Variants in POM121C observed in about 807,000 individuals in gnomAD.
POM121C encodes the protein nuclear envelope pore membrane protein POM 121C.
POM121C carries 20 observed loss-of-function variants against 66.4 expected under a neutral mutation model. The ratio of observed to expected loss-of-function variants is 0.30; its 90% confidence interval spans 0.21 to 0.44. POM121C has a LOEUF of 0.44. POM121C is among the 20% of genes least tolerant of loss of function. The pLI is 1.00. For missense variants in POM121C, 580 were observed against 1,225.7 expected (o/e 0.47, Z 7.87); for synonymous variants, 286 against 528.0 (o/e 0.54, Z 6.28).
intron 3 of POM121C, among the ~76,000 whole-genome samples, chr7:75,472,989 A>C (rs1246453790): frequency 5.9e-5 from 9 of 152,250 alleles, no homozygotes; most frequent in South Asian, 2.1e-4. Context: ...ACGAATGTCA[A>C]AAGAAACAGA....
At chr7:75,442,968 C>T (rs1790720644) in intron 3 of POM121C, among the ~76,000 whole-genome samples, 1 of 152,136 alleles carries the variant, frequency 6.6e-6, no homozygotes, top group Non-Finnish European at 1.5e-5. Context: ...CATCCGGAGG[C>T]GATCCCGTGA....
intron 3 of POM121C, 96 bp from the exon 4 acceptor site, chr7:75,441,743 G>A: frequency 1.7e-6 from 2 of 1,197,900 alleles, no homozygotes; most frequent in Non-Finnish European, 2.3e-6. Flanking sequence ...ATTTTCCAAA[G>A]AACTTAAATC....
At chr7:75,449,785 G>A (rs1267298496) in intron 3 of POM121C, among the ~76,000 whole-genome samples, 1 of 152,096 alleles carries the variant, frequency 6.6e-6, no homozygotes, top group Non-Finnish European at 1.5e-5. Context: ...GGAGGCTGAG[G>A]CAGGCAGATC....
At chr7:75,465,534 C>A (rs1354308331) in intron 3 of POM121C, among the ~76,000 whole-genome samples, 2 of 151,480 alleles carry the variant, frequency 1.3e-5, no homozygotes, top group Non-Finnish European at 2.9e-5. Flanking sequence ...GCGGGTGGAT[C>A]ATGCGGTCAG....
chr7:75,480,090 T>C (rs1347837876), intron 1 of POM121C, among the ~76,000 whole-genome samples: 1 of 148,806 alleles, frequency 6.7e-6, no homozygotes, highest in Non-Finnish European at 1.5e-5. Context: ...AATAGACTGA[T>C]GAAAACAAGC....
intron 3 of POM121C, among the ~76,000 whole-genome samples, chr7:75,456,271 G>A (rs1337658976): frequency 6.6e-6 from 1 of 152,254 alleles, no homozygotes; most frequent in African/African-American, 2.4e-5. Flanking sequence ...ATAAACAGAA[G>A]TGAACAGGAA....
At chr7:75,449,048 G>A (rs1208235533) in intron 3 of POM121C, among the ~76,000 whole-genome samples, 1 of 151,230 alleles carries the variant, frequency 6.6e-6, no homozygotes, top group Non-Finnish European at 1.5e-5. Flanking sequence ...AGCCTTCCAA[G>A]CAGCTGGGAC....
Position 75,473,980 on chromosome 7 carries a change from G to A in POM121C, c.-152+724C>T, listed in dbSNP as rs188985962. On this transcript the variant is annotated intron_variant, in intron 3 of 14. Coordinates refer to ENST00000615331, the MANE Select transcript of POM121C (RefSeq NM_001099415.3). ...TGGGATTACAGGCGTTAGCCACCGC[G>A]CCCGGCCAAGTCCAAGGTATTTTTA... is the stretch of plus-strand genomic sequence containing the variant. 1.2e-4 allele frequency among the ~76,000 whole-genome samples: 19 copies of A among 152,220 alleles called. No individual in the cohort carries two copies. In the East Asian group the frequency reaches 3.7e-3, roughly 29 times the overall value.
chr7:75,454,473 G>T (rs1388209337), intron 3 of POM121C, among the ~76,000 whole-genome samples: 25 of 152,104 alleles, frequency 1.6e-4, no homozygotes, highest in African/African-American at 5.8e-4. Flanking sequence ...AAGGTGCCAT[G>T]TGCTCTGGGT....
intron 1 of POM121C, among the ~76,000 whole-genome samples, chr7:75,476,855 A>C (rs182697452): frequency 6.6e-5 from 10 of 152,146 alleles, no homozygotes; most frequent in African/African-American, 2.2e-4. Context: ...ATATTTGGAA[A>C]TCTATTAATA....
intron 1 of POM121C, among the ~76,000 whole-genome samples, chr7:75,476,620 G>A (rs374497136): frequency 3.9e-5 from 6 of 151,980 alleles, no homozygotes; most frequent in Admixed American, 2.6e-4. Context: ...TAAAATCACC[G>A]AGAGAGAGTA....
chr7:75,478,721 C>A, intron 1 of POM121C, among the ~76,000 whole-genome samples: 2 of 123,832 alleles, frequency 1.6e-5, no homozygotes, highest in Non-Finnish European at 1.7e-5. Flanking sequence ...TAAAATGAAA[C>A]AGAGAAAGAA....
chr7:75,466,715 T>G (rs782727699), intron 3 of POM121C, among the ~76,000 whole-genome samples: 1 of 148,666 alleles, frequency 6.7e-6, no homozygotes, highest in Non-Finnish European at 1.5e-5. Context: ...AAAAGATCAA[T>G]TAAAAATAAG....
At chr7:75,427,669 T>G (rs1301022851) in intron 7 of POM121C, among the ~76,000 whole-genome samples, 2 of 152,026 alleles carry the variant, frequency 1.3e-5, no homozygotes, top group African/African-American at 4.8e-5. Flanking sequence ...GTGCTGAGCC[T>G]AATTACAAAG....
intron 14 of POM121C, 21 bp downstream of exon 14, chr7:75,419,299 A>G: frequency 6.2e-7 from 1 of 1,604,316 alleles, no homozygotes; most frequent in Non-Finnish European, 8.5e-7. Flanking sequence ...GAGCAGGGCC[A>G]CAGGGTGGCT....
intron 3 of POM121C, among the ~76,000 whole-genome samples, chr7:75,456,398 G>T (rs1791213465): frequency 6.6e-6 from 1 of 152,380 alleles, no homozygotes; most frequent in Non-Finnish European, 1.5e-5. Flanking sequence ...CTGTGCCACA[G>T]GCTCTCCTAC....
chr7:75,444,271 GGA>G (rs1790763241), intron 3 of POM121C, among the ~76,000 whole-genome samples: 1 of 57,366 alleles, frequency 1.7e-5, no homozygotes, highest in Non-Finnish European at 4.0e-5. Context: ...GGGGGGGGGC[GGA>G]GGGGGGACTG....
chr7:75,436,134 T>C (rs1315128423), intron 7 of POM121C, among the ~76,000 whole-genome samples: 1 of 151,854 alleles, frequency 6.6e-6, no homozygotes, highest in African/African-American at 2.4e-5. Context: ...AAATATAAAA[T>C]CAAATAGATT....
chr7:75,442,516 T>C (rs1554474231), intron 3 of POM121C: 2 of 1,439,620 alleles, frequency 1.4e-6, no homozygotes, highest in Non-Finnish European at 1.8e-6. Context: ...CGCGGCTCAG[T>C]CCCCACCAGG....
Sources: gnomAD v4.1 joint callset for allele counts (sites outside exome capture counted in the v4.1 genomes callset) on GRCh38, gnomAD v4.1.1 for gene constraint, MANE v1.5 for transcripts, NCBI Gene and HGNC (gene_info 2026-07-23, HGNC 2026-07-21) for gene names.